Variants in SYNE1 observed in about 807,000 individuals in gnomAD.
SYNE1 encodes spectrin repeat containing nuclear envelope protein 1.
Under a neutral mutation model 1,111.0 loss-of-function variants are expected in SYNE1, and 616 were observed. The ratio of observed to expected loss-of-function variants is 0.55; its 90% CI spans 0.52 to 0.59. SYNE1 has a LOEUF of 0.59. SYNE1 is among the 20% of genes least tolerant of loss of function. The pLI is 0.00. For synonymous variants in SYNE1, 3,855 were observed against 3,825.8 expected (o/e 1.01, Z -0.28); for missense variants, 10,006 against 10,417.0 (o/e 0.96, Z 1.72).
At chr6:152,377,562 TCGTGCCA>T (rs1056014471) in intron 56 of SYNE1, among the ~76,000 whole-genome samples, 3 of 131,314 alleles carry the variant, frequency 2.3e-5, no homozygotes, top group African/African-American at 8.9e-5. Context: ...TGAGCCGAGA[TCGTGCCA>T]TTGCACTCCA....
At position 152,309,955 on chromosome 6, in the gene SYNE1, A is replaced by T; in HGVS notation, c.17082T>A (p.Ser5694Arg). The change falls in exon 90 of 146, where the codon AGT becomes AGA. Residue 5694 changes from serine (S) to arginine (R), a missense_variant. By Grantham distance (110) the Ser-to-Arg change is moderately radical (BLOSUM62 -1). Coordinates refer to ENST00000367255, the MANE Select transcript of SYNE1 (RefSeq NM_182961.4). ...CCACATCCTCGGGGATCCGGAGGGC[A>T]CTCTGGCAGAGCTGCACTGCTTGCA... Reference protein sequence around the residue: ...PKVQAVQLCQSALRIPEDVVA... With the variant: ...PKVQAVQLCQRALRIPEDVVA... 1 of 1,614,098 alleles carries T rather than the reference A, an allele frequency of 6.2e-7. No individual in the cohort carries two copies. Among genetic ancestry groups the T allele is most frequent in the Non-Finnish European group, 8.5e-7 (1 of 1,180,038 alleles).
intron 98 of SYNE1, among the ~76,000 whole-genome samples, chr6:152,273,850 C>G (rs186490751): frequency 2.0e-5 from 3 of 152,152 alleles, no homozygotes; most frequent in South Asian, 2.1e-4. Flanking sequence ...TCCCAGGCCA[C>G]GAGACCTTGG....
chr6:152,569,350 CT>C (rs1202799744), intron 3 of SYNE1, among the ~76,000 whole-genome samples: 1 of 152,162 alleles, frequency 6.6e-6, no homozygotes, highest in Non-Finnish European at 1.5e-5. Flanking sequence ...CTAGATTCTC[CT>C]TTCAGTTTCC....
chr6:152,302,251 G>T (rs1342115300), intron 91 of SYNE1, 188 bp from the exon 92 acceptor site: 18 of 768,706 alleles, frequency 2.3e-5, no homozygotes, highest in Non-Finnish European at 3.7e-5. Flanking sequence ...GCGCGGCGCG[G>T]CGCAGGCACA....
intron 115 of SYNE1, among the ~76,000 whole-genome samples, chr6:152,230,124 C>T (rs1436994304): frequency 6.6e-6 from 1 of 152,026 alleles, no homozygotes; most frequent in African/African-American, 2.4e-5. Context: ...CCTCGATCTC[C>T]TGAATTCAAG....
At chr6:152,310,144 C>A in intron 89 of SYNE1, 127 bp from the exon 90 acceptor site, 12 of 1,288,168 alleles carry the variant, frequency 9.3e-6, no homozygotes, top group African/African-American at 1.5e-5. Context: ...ATGTTTAAAA[C>A]AGTGTTGAGT....
At chr6:152,249,059 G>C in intron 105 of SYNE1, 102 bp downstream of exon 105, 1 of 811,386 alleles carries the variant, frequency 1.2e-6, no homozygotes. Context: ...AAACAAAAGT[G>C]CCACTGTGAG....
chr6:152,357,417 C>T (rs1387477659), intron 66 of SYNE1, among the ~76,000 whole-genome samples: 2 of 152,210 alleles, frequency 1.3e-5, no homozygotes, highest in African/African-American at 4.8e-5. Context: ...CTTACCCAAT[C>T]CTGAACCAAC....
chr6:152,328,924 A>G (rs1437739777), intron 78 of SYNE1, among the ~76,000 whole-genome samples: 1 of 152,182 alleles, frequency 6.6e-6, no homozygotes, highest in Non-Finnish European at 1.5e-5. Context: ...GGGGCAACTA[A>G]TGGGATACCC....
At chr6:152,546,524 A>T (rs963840862) in intron 3 of SYNE1, 1 of 152,138 alleles carries the variant, frequency 6.6e-6, no homozygotes, top group East Asian at 1.9e-4. Context: ...CTTTGGCTAT[A>T]TTGGAATTCA....
chr6:152,342,231 T>C (rs148441678), intron 74 of SYNE1, among the ~76,000 whole-genome samples: 1 of 152,364 alleles, frequency 6.6e-6, no homozygotes, highest in African/African-American at 2.4e-5. Flanking sequence ...AAAACATCAC[T>C]GCCATTAATA....
At chr6:152,323,425 C>A in intron 82 of SYNE1, 53 bp downstream of exon 82, 2 of 1,598,976 alleles carry the variant, frequency 1.3e-6, no homozygotes, top group Non-Finnish European at 1.7e-6. Flanking sequence ...GGCGACAGAG[C>A]GAGACTCCAA....
At chr6:152,474,469 G>A (rs2098824239) in intron 14 of SYNE1, among the ~76,000 whole-genome samples, 1 of 152,144 alleles carries the variant, frequency 6.6e-6, no homozygotes. Context: ...ATGTGAACAG[G>A]ATGAGGACAC....
At chr6:152,135,080 G>T in intron 142 of SYNE1, 24 bp downstream of exon 142, 1 of 1,613,944 alleles carries the variant, frequency 6.2e-7, no homozygotes, top group Non-Finnish European at 8.5e-7. Context: ...ATAACTGGAG[G>T]CTGCCAGAGT....
chr6:152,520,919 C>G (rs1464955319), intron 5 of SYNE1, among the ~76,000 whole-genome samples: 1 of 152,096 alleles, frequency 6.6e-6, no homozygotes, highest in Non-Finnish European at 1.5e-5. Context: ...GTAAAACACA[C>G]CCAGAACCTG....
At chr6:152,447,671 T>C (rs1271436624) in intron 28 of SYNE1, 49 bp from the exon 29 acceptor site, 6 of 1,611,286 alleles carry the variant, frequency 3.7e-6, no homozygotes, top group Non-Finnish European at 5.1e-6. Context: ...TGTGAAATCA[T>C]AACTTTCCAG....
intron 32 of SYNE1, among the ~76,000 whole-genome samples, chr6:152,440,468 A>G (rs1352500458): frequency 6.6e-6 from 1 of 152,058 alleles, no homozygotes; most frequent in African/African-American, 2.4e-5. Context: ...TGTATGCTCT[A>G]TGCCATTCCA....
At chr6:152,294,210 A>G (rs992219461) in intron 93 of SYNE1, 83 bp from the exon 94 acceptor site, 4 of 1,424,248 alleles carry the variant, frequency 2.8e-6, no homozygotes, top group Non-Finnish European at 2.8e-6. Context: ...GGTCATGTCA[A>G]GGAAAGGTTT....
At chr6:152,281,192 T>C (rs1204122130) in intron 97 of SYNE1, among the ~76,000 whole-genome samples, 1 of 152,234 alleles carries the variant, frequency 6.6e-6, no homozygotes, top group Admixed American at 6.5e-5. Context: ...GACTTCATTA[T>C]CTATTCTTTA....
Sources: gnomAD v4.1 joint callset for allele counts (sites outside exome capture counted in the v4.1 genomes callset) on GRCh38, gnomAD v4.1.1 for gene constraint, MANE v1.5 for transcripts, NCBI Gene and HGNC (gene_info 2026-07-23, HGNC 2026-07-21) for gene names.